AGBL4: variants seen among roughly 807,000 people sequenced by gnomAD.
AGBL4 encodes the protein cytosolic carboxypeptidase 6.
AGBL4 carries 58 observed loss-of-function variants against 66.4 expected under a neutral mutation model. That is an observed-to-expected ratio of 0.87 (90% CI 0.71 to 1.09). AGBL4 has a LOEUF of 1.09. AGBL4 is among the 50% of genes least tolerant of loss of function. The pLI, the probability that AGBL4 is intolerant of heterozygous loss-of-function variation, is 0.00. For missense variants in AGBL4, 579 were observed against 631.0 expected (o/e 0.92, Z 0.88); for synonymous variants, 234 against 222.9 (o/e 1.05, Z -0.44).
intron 3 of AGBL4, among the ~76,000 whole-genome samples, chr1:49,384,918 G>A (rs769940141): frequency 6.6e-6 from 1 of 152,152 alleles, no homozygotes; most frequent in Non-Finnish European, 1.5e-5. Flanking sequence ...ATGTTCATTG[G>A]AGCATTATTC....
At chr1:48,654,692 C>T (rs1195925433) in intron 7 of AGBL4, among the ~76,000 whole-genome samples, 2 of 152,212 alleles carry the variant, frequency 1.3e-5, no homozygotes, top group Non-Finnish European at 2.9e-5. Context: ...CCAGTGCAGG[C>T]ACTCAGCTCT....
chr1:49,278,459 G>A (rs17105590), intron 3 of AGBL4, among the ~76,000 whole-genome samples: 4,178 of 152,206 alleles, frequency 0.027, 164 homozygotes, highest in African/African-American at 0.095. Flanking sequence ...CAGGACGACT[G>A]ATCTACTTTA....
At chr1:48,941,168 A>T (rs1193839421) in intron 5 of AGBL4, among the ~76,000 whole-genome samples, 1 of 152,196 alleles carries the variant, frequency 6.6e-6, no homozygotes, top group African/African-American at 2.4e-5. Context: ...AGTATAGTGA[A>T]TATCAGATAC....
chr1:48,558,126 A>G (rs184138615), intron 11 of AGBL4, among the ~76,000 whole-genome samples: 1 of 152,342 alleles, frequency 6.6e-6, no homozygotes, highest in East Asian at 1.9e-4. Context: ...TGTATGACTT[A>G]ATGAATGTGA....
At chr1:48,990,499 G>A (rs1660521687) in intron 5 of AGBL4, among the ~76,000 whole-genome samples, 1 of 152,028 alleles carries the variant, frequency 6.6e-6, no homozygotes, top group South Asian at 2.1e-4. Flanking sequence ...ATATTTTCTT[G>A]TAGTAGTTTC....
intron 2 of AGBL4, among the ~76,000 whole-genome samples, chr1:49,801,189 T>C (rs1393026294): frequency 6.6e-6 from 1 of 152,154 alleles, no homozygotes; most frequent in Non-Finnish European, 1.5e-5. Context: ...GGAACTCCAT[T>C]TAACAAAAAA....
At chr1:49,653,149 G>C (rs991898385) in intron 3 of AGBL4, among the ~76,000 whole-genome samples, 4 of 152,068 alleles carry the variant, frequency 2.6e-5, no homozygotes, top group Non-Finnish European at 4.4e-5. Context: ...AGCCTCCACT[G>C]GTGATAACTC....
chr1:48,589,006 T>C (rs1288549742), intron 10 of AGBL4, among the ~76,000 whole-genome samples: 1 of 152,112 alleles, frequency 6.6e-6, no homozygotes, highest in Non-Finnish European at 1.5e-5. Flanking sequence ...TTCACCCACA[T>C]GAGGAGGGTC....
intron 4 of AGBL4, among the ~76,000 whole-genome samples, chr1:49,217,401 C>T (rs1369318711): frequency 6.6e-6 from 1 of 152,048 alleles, no homozygotes; most frequent in Non-Finnish European, 1.5e-5. Flanking sequence ...AATGCATGAC[C>T]AGTTCCCATT....
At chr1:49,733,599 A>G (rs969662500) in intron 2 of AGBL4, among the ~76,000 whole-genome samples, 3 of 152,164 alleles carry the variant, frequency 2.0e-5, no homozygotes, top group Non-Finnish European at 2.9e-5. Context: ...GTCTTGTTGT[A>G]TCCCCCCAAA....
intron 6 of AGBL4, among the ~76,000 whole-genome samples, chr1:48,849,748 G>T (rs949153206): frequency 1.3e-5 from 2 of 152,174 alleles, no homozygotes; most frequent in Admixed American, 1.3e-4. Flanking sequence ...CGAAGTGGAC[G>T]AATCACTTGA....
At chr1:48,772,040 A>G (rs917895098) in intron 6 of AGBL4, among the ~76,000 whole-genome samples, 1 of 152,178 alleles carries the variant, frequency 6.6e-6, no homozygotes, top group African/African-American at 2.4e-5. Context: ...TCAAGCACAA[A>G]AATGCACCTG....
intron 2 of AGBL4, among the ~76,000 whole-genome samples, chr1:49,805,375 G>T (rs1180274922): frequency 6.6e-6 from 1 of 152,054 alleles, no homozygotes; most frequent in Non-Finnish European, 1.5e-5. Flanking sequence ...TGGGTTTCAG[G>T]GAAAAAGAAA....
intron 11 of AGBL4, among the ~76,000 whole-genome samples, chr1:48,560,817 T>A (rs557233493): frequency 1.3e-5 from 2 of 152,354 alleles, no homozygotes; most frequent in South Asian, 2.1e-4. Flanking sequence ...CATATATGAT[T>A]AGCAATTTTG....
intron 5 of AGBL4, among the ~76,000 whole-genome samples, chr1:48,944,038 C>T (rs1038168623): frequency 6.6e-6 from 1 of 152,188 alleles, no homozygotes; most frequent in African/African-American, 2.4e-5. Context: ...ATTGCACAAT[C>T]CCATATGCCA....
At chr1:50,018,545 G>A (rs1172720721) in intron 1 of AGBL4, among the ~76,000 whole-genome samples, 5 of 151,998 alleles carry the variant, frequency 3.3e-5, no homozygotes, top group African/African-American at 1.2e-4. Context: ...AACTCACATA[G>A]AACTGTGCTG....
rs181819199 is a variant in AGBL4 at position 49,802,175 on chromosome 1, C to A, written c.157+49221G>T. ...GTGCAGTCAGGGAGTTTTCACATCA[C>A]CAAGATTCCTATCCCAGAAAAGCAG... On this transcript the variant is annotated intron_variant, in intron 2 of 13. Coordinates refer to ENST00000371839, the MANE Select transcript of AGBL4 (RefSeq NM_032785.4). Among the ~76,000 whole-genome samples, 171 of 152,250 alleles carry A rather than the reference C, an allele frequency of 1.1e-3. 1 individual carries two copies. Among genetic ancestry groups the A allele is most frequent in the Admixed American group, 3.5e-3 (54 of 15,286 alleles).
At chr1:49,669,801 A>G (rs1397314687) in intron 3 of AGBL4, among the ~76,000 whole-genome samples, 1 of 152,156 alleles carries the variant, frequency 6.6e-6, no homozygotes, top group Non-Finnish European at 1.5e-5. Context: ...AAAAAAATTA[A>G]GTTTCCAGTG....
intron 7 of AGBL4, among the ~76,000 whole-genome samples, chr1:48,661,710 T>C (rs917769915): frequency 4.6e-5 from 7 of 152,238 alleles, no homozygotes; most frequent in African/African-American, 1.7e-4. Flanking sequence ...GCTCTCTGTC[T>C]ACTGCCCACA....
Sources: allele counts gnomAD v4.1 joint callset (sites outside exome capture counted in the v4.1 genomes callset), GRCh38; gene constraint gnomAD v4.1.1; transcripts MANE v1.5; gene names NCBI Gene and HGNC (gene_info 2026-07-23, HGNC 2026-07-21).